OR52B4: variants seen among roughly 807,000 people sequenced by gnomAD.
OR52B4 encodes the protein olfactory receptor family 52 subfamily B member 4.
For missense variants in OR52B4, 450 were observed against 387.0 expected (o/e 1.16, Z -1.36); for synonymous variants, 182 against 142.3 (o/e 1.28, Z -1.98).
Position 4,368,333 on chromosome 11 carries a change from C to A in OR52B4, c.-38G>T. 9.1e-7 allele frequency: 1 copy of A among 1,103,260 alleles called. No individual in the cohort carries two copies. Among genetic ancestry groups the A allele is most frequent in the African/African-American group, 1.5e-5 (1 of 65,002 alleles). 68.3% of individuals were successfully genotyped at this position (1,103,260 alleles called of 1,614,324 possible). ...CTTTCAGAACCTCACCTCCTACTCA[C>A]AGAGGTAGAAGAAGATAAAATCTGC... On this transcript the variant is annotated 5_prime_UTR_variant, in exon 1 of 1. Coordinates refer to ENST00000624801, the MANE Select transcript of OR52B4 (RefSeq NM_001005161.3).
In OR52B4 at chr11:4,368,359, A is replaced by C; in HGVS notation, c.-64T>G. On this transcript the variant is annotated 5_prime_UTR_variant, in exon 1 of 1. Coordinates refer to ENST00000624801, the MANE Select transcript of OR52B4 (RefSeq NM_001005161.3). ...AGAGGTAGAAGAAGATAAAATCTGC[A>C]ACATTCTTTGCGATGTCACCAGGAG... The C allele has an allele frequency of 3.7e-6, 3 of 800,376 alleles. No individual in the cohort carries two copies. The highest frequency in any genetic ancestry group is 4.1e-6 in the Non-Finnish European group (2 of 492,408). The allele number at this position is 800,376 out of a possible 1,614,324, so 49.6% of individuals were successfully genotyped here.
At position 4,368,101 on chromosome 11, in the gene OR52B4, G is replaced by C. The variant is rs756130665; in HGVS notation, c.195C>G (p.Leu65=). The C allele has an allele frequency of 6.2e-6, 10 of 1,613,916 alleles. No homozygotes were observed. In the African/African-American group the frequency reaches 6.7e-5, roughly 11 times the overall value. Residue 65 remains leucine (L), a synonymous_variant, in exon 1 of 1, where the codon CTC becomes CTG. Coordinates refer to ENST00000624801, the MANE Select transcript of OR52B4 (RefSeq NM_001005161.3). ...CAATGTCTGCTCCAGCCAGCATGCA[G>C]AGGAAGAGGTACATGGGTTCATGGA... ...RSLHEPMYLF[L]CMLAGADIVL...
rs1302909088 is a variant in OR52B4 at position 4,368,331 on chromosome 11, CACAG to C, written c.-40_-37del. The C allele has an allele frequency of 8.9e-7, 1 of 1,119,172 alleles. No individual in the cohort carries two copies. The highest frequency in any genetic ancestry group is 1.3e-6 in the Non-Finnish European group (1 of 752,950). The allele number at this position is 1,119,172 out of a possible 1,614,324, so 69.3% of individuals were successfully genotyped here. On this transcript the variant is annotated 5_prime_UTR_variant, in exon 1 of 1. It introduces an in-frame stop codon into an upstream open reading frame of the 5' UTR. Coordinates refer to ENST00000624801, the MANE Select transcript of OR52B4 (RefSeq NM_001005161.3). ...AACTTTCAGAACCTCACCTCCTACT[CACAG>C]AGGTAGAAGAAGATAAAATCTGCAA...
In OR52B4 at chr11:4,368,271, T is replaced by C; in HGVS notation, c.25A>G (p.Thr9Ala). The change falls in exon 1 of 1, where the codon ACT becomes GCT. Residue 9 changes from threonine to alanine, a missense_variant. Coordinates refer to ENST00000624801, the MANE Select transcript of OR52B4 (RefSeq NM_001005161.3). ...AGCAAGTGGAAGACTGTGTGGCTAG[T>C]GCCACTGTGGTTTACAGTAGGCATA... MPTVNHSG[T>A]SHTVFHLLGI... The C allele has an allele frequency of 6.2e-7, 1 of 1,610,846 alleles. No homozygotes were observed. Among genetic ancestry groups the C allele is most frequent in the South Asian group, 1.1e-5 (1 of 90,818 alleles).
rs1158625037 is a variant in OR52B4, at chr11:4,368,076, C to T, written c.220G>A (p.Val74Ile). The T allele has an allele frequency of 1.9e-6, 3 of 1,613,940 alleles. No individual in the cohort carries two copies. The highest frequency in any genetic ancestry group is 1.7e-6 in the Non-Finnish European group (2 of 1,179,970). Reference sequence around the variant, plus strand: ...TGAGGAATGGTGCACGTGGAGAGGACAATGTCTGCTCCAGCCAGCATGCAG... The same window carrying T: ...TGAGGAATGGTGCACGTGGAGAGGATAATGTCTGCTCCAGCCAGCATGCAG... The part of the protein sequence containing the change: ...FLCMLAGADI[V>I]LSTCTIPQAL... The change falls in exon 1 of 1, where the codon GTC (valine) becomes ATC (isoleucine). Residue 74 changes from valine to isoleucine, a missense_variant. Coordinates refer to ENST00000624801, the MANE Select transcript of OR52B4 (RefSeq NM_001005161.3).
chr11:4,367,292 C>T lies in OR52B4; in HGVS notation c.*59G>A. On this transcript the variant is annotated 3_prime_UTR_variant, in exon 1 of 1. Coordinates refer to ENST00000624801, the MANE Select transcript of OR52B4 (RefSeq NM_001005161.3). ...ATCAGCTGACCTCTCCCATCTACCACTTTCATACCCACTTACCAGATAGCT... is the reference window on the plus strand; with the variant it reads ...ATCAGCTGACCTCTCCCATCTACCATTTTCATACCCACTTACCAGATAGCT... 8.9e-7 allele frequency: 1 copy of T among 1,126,386 alleles called. No individual in the cohort carries two copies. The highest frequency in any genetic ancestry group is 1.3e-6 in the Non-Finnish European group (1 of 774,270). 69.8% of individuals were successfully genotyped at this position (1,126,386 alleles called of 1,614,324 possible).
rs1181259154 is a variant in OR52B4, at chr11:4,367,436, G to A, written c.860C>T (p.Pro287Leu). 6.2e-7 allele frequency: 1 copy of A among 1,613,890 alleles called. No homozygotes were observed. The highest frequency in any genetic ancestry group is 1.1e-5 in the South Asian group (1 of 91,064). The change falls in exon 1 of 1, where the codon CCT becomes CTT. Residue 287 changes from proline to leucine, a missense_variant. Pro to Leu is a moderately conservative substitution (Grantham distance 98). Coordinates refer to ENST00000624801, the MANE Select transcript of OR52B4 (RefSeq NM_001005161.3). ...CCCATAAATAATGGGATTCAGCATA[G>A]GTGGAGCCAGAATGCAGACATTAGC... ...PLANVCILAPPMLNPIIYGIK... is the reference protein window; with the variant it reads ...PLANVCILAPLMLNPIIYGIK...
chr11:4,367,381 C>T lies in OR52B4; in HGVS notation c.915G>A (p.Val305=), dbSNP rs2094935834. 1.2e-6 allele frequency: 2 copies of T among 1,604,616 alleles called. No individual in the cohort carries two copies. The highest frequency in any genetic ancestry group is 8.5e-7 in the Non-Finnish European group (1 of 1,173,570). The change falls in exon 1 of 1, where the codon GTG becomes GTA. Residue 305 remains valine (V), a synonymous_variant. Transcript: ENST00000624801. ...GIKTKQIQEQ[V]VQFLFIKQK is the part of the protein sequence containing the mutation. ...TCTGTTTTATAAACAAAAACTGAAC[C>T]ACCTGTTCCTGGATTTGCTTGGTTT...
chr11:4,367,828 A>G lies in OR52B4; in HGVS notation c.468T>C (p.Gly156=). ...ICVTVSLRSY[G]TIFPIIFLLK... ...AAAGAAATATGATAGGGAAAATTGT[A>G]CCATAACTTCTCAGAGAGACAGTCA... Residue 156 remains glycine (G), a synonymous_variant, in exon 1 of 1, where the codon GGT becomes GGC. Coordinates refer to ENST00000624801, the MANE Select transcript of OR52B4 (RefSeq NM_001005161.3). 6.2e-7 allele frequency: 1 copy of G among 1,613,758 alleles called. No individual in the cohort carries two copies. Among genetic ancestry groups the G allele is most frequent in the African/African-American group, 1.3e-5 (1 of 75,032 alleles).
In OR52B4 at chr11:4,368,020, C is replaced by T; in HGVS notation, c.276G>A (p.Gly92=). ...QALAIFWFRA[G]DISLDRCITQ... ...TGATGCAACGATCCAGGGAGATGTC[C>T]CCAGCACGGAACCAGAAGATAGCTA... is the stretch of plus-strand genomic sequence containing the variant. Residue 92 remains glycine, a synonymous_variant, in exon 1 of 1, where the codon GGG becomes GGA. Coordinates refer to ENST00000624801, the MANE Select transcript of OR52B4 (RefSeq NM_001005161.3). 6 of 1,613,936 alleles carry T rather than the reference C, an allele frequency of 3.7e-6. No individual in the cohort carries two copies. Among genetic ancestry groups the T allele is most frequent in the Non-Finnish European group, 5.1e-6 (6 of 1,179,986 alleles).
At position 4,367,944 on chromosome 11, in the gene OR52B4, G is replaced by C. The variant is rs181259196; in HGVS notation, c.352C>G (p.Leu118Val). 30 of 1,613,958 alleles carry C rather than the reference G, an allele frequency of 1.9e-5. No individual in the cohort carries two copies. The Admixed American group carries it at 4.7e-4, about 25-fold the overall frequency. Residue 118 changes from leucine (L) to valine (V), a missense_variant, in exon 1 of 1, where the codon CTG (leucine) becomes GTG (valine). Coordinates refer to ENST00000624801, the MANE Select transcript of OR52B4 (RefSeq NM_001005161.3). Reference protein sequence around the residue: ...STFISESGILLVMAFDHYIAI... With the variant: ...STFISESGILVVMAFDHYIAI... ...ATATAGTGGTCAAAGGCCATCACCA[G>C]CAAGATCCCTGACTCAGAGATGAAG...
rs1291428627 is a variant in OR52B4, at chr11:4,367,727, G to A, written c.569C>T (p.Ala190Val). Residue 190 changes from alanine to valine, a missense_variant, in exon 1 of 1, where the codon GCA becomes GTA. Coordinates refer to ENST00000624801, the MANE Select transcript of OR52B4 (RefSeq NM_001005161.3). Reference sequence around the variant, plus strand: ...AATGTTTATTCGAATGTCATTACATGCATATTTGGCTAGGCCAATGTGTTC... The same window carrying A: ...AATGTTTATTCGAATGTCATTACATACATATTTGGCTAGGCCAATGTGTTC... Reference protein sequence around the residue: ...FCEHIGLAKYACNDIRINIWY... With the variant: ...FCEHIGLAKYVCNDIRINIWY... The A allele has an allele frequency of 6.2e-7, 1 of 1,613,516 alleles. No individual in the cohort carries two copies. The highest frequency in any genetic ancestry group is 8.5e-7 in the Non-Finnish European group (1 of 1,179,510).
At position 4,368,015 on chromosome 11, in the gene OR52B4, A is replaced by G. The variant is rs758705540; in HGVS notation, c.281T>C (p.Ile94Thr). 1.2e-6 allele frequency: 2 copies of G among 1,614,074 alleles called. No individual in the cohort carries two copies. The highest frequency in any genetic ancestry group is 1.1e-5 in the South Asian group (1 of 91,086). ...CTGAGTGATGCAACGATCCAGGGAGATGTCCCCAGCACGGAACCAGAAGAT... is the reference window on the plus strand; with the variant it reads ...CTGAGTGATGCAACGATCCAGGGAGGTGTCCCCAGCACGGAACCAGAAGAT... ...LAIFWFRAGD[I>T]SLDRCITQLF... The change falls in exon 1 of 1, where the codon ATC becomes ACC. Residue 94 changes from isoleucine to threonine, a missense_variant. Transcript: ENST00000624801.
In OR52B4 at chr11:4,367,824, T is replaced by C. The variant is rs538793931; in HGVS notation, c.472A>G (p.Ile158Val). ...VTVSLRSYGTIFPIIFLLKRL... is the reference protein window; with the variant it reads ...VTVSLRSYGTVFPIIFLLKRL... ...TTTAAAAGAAATATGATAGGGAAAA[T>C]TGTACCATAACTTCTCAGAGAGACA... The change falls in exon 1 of 1, where the codon ATT becomes GTT. Residue 158 changes from isoleucine to valine, a missense_variant. Transcript: ENST00000624801. 8 of 1,613,764 alleles carry C rather than the reference T, an allele frequency of 5.0e-6. No individual in the cohort carries two copies. In the African/African-American group the frequency reaches 8.0e-5, roughly 16 times the overall value.
At position 4,367,840 on chromosome 11, in the gene OR52B4, C is replaced by G; in HGVS notation, c.456G>C (p.Leu152=). 1.2e-6 allele frequency: 2 copies of G among 1,613,940 alleles called. No individual in the cohort carries two copies. Among genetic ancestry groups the G allele is most frequent in the Non-Finnish European group, 1.7e-6 (2 of 1,179,872 alleles). Residue 152 remains leucine (L), a synonymous_variant, in exon 1 of 1, where the codon CTG becomes CTC. Transcript: ENST00000624801. ...TAGGGAAAATTGTACCATAACTTCT[C>G]AGAGAGACAGTCACACAAATTTTCT... The part of the protein sequence containing the change: ...LIKKICVTVS[L]RSYGTIFPII...
rs774700333 is a variant in OR52B4 at position 4,368,158 on chromosome 11, C to A, written c.138G>T (p.Leu46=). The part of the protein sequence containing the change: ...SYVTALLGNS[L]LIFIILTKRS... ...GCTTTGTGAGGATAATGAAGATGAG[C>A]AGGCTGTTCCCAAGAAGGGCGGTGA... Residue 46 remains leucine (L), a synonymous_variant, in exon 1 of 1, where the codon CTG becomes CTT. Transcript: ENST00000624801. 2 of 1,603,134 alleles carry A rather than the reference C, an allele frequency of 1.2e-6. No homozygotes were observed. Among genetic ancestry groups the A allele is most frequent in the South Asian group, 2.2e-5 (2 of 90,600 alleles).
Position 4,367,956 on chromosome 11 carries a change from A to G in OR52B4, c.340T>C (p.Ser114Pro), listed in dbSNP as rs2094936785. 3 of 1,613,966 alleles carry G rather than the reference A, an allele frequency of 1.9e-6. No homozygotes were observed. Among genetic ancestry groups the G allele is most frequent in the Non-Finnish European group, 2.5e-6 (3 of 1,179,968 alleles). ...FFIHSTFISE[S>P]GILLVMAFDH... ...AAGGCCATCACCAGCAAGATCCCTG[A>G]CTCAGAGATGAAGGTGGAATGGATG... Residue 114 changes from serine (S) to proline (P), a missense_variant, in exon 1 of 1, where the codon TCA (serine) becomes CCA (proline). Ser to Pro is a moderately conservative substitution (Grantham distance 74). Transcript: ENST00000624801.
In OR52B4 at chr11:4,368,195, A is replaced by C; in HGVS notation, c.101T>G (p.Phe34Cys). 1 of 1,613,960 alleles carries C rather than the reference A, an allele frequency of 6.2e-7. No individual in the cohort carries two copies. Among genetic ancestry groups the C allele is most frequent in the Non-Finnish European group, 8.5e-7 (1 of 1,179,898 alleles). The change falls in exon 1 of 1, where the codon TTC (phenylalanine) becomes TGC (cysteine). Residue 34 changes from phenylalanine (F) to cysteine (C), a missense_variant. Physicochemically the swap from Phe to Cys is radical, Grantham distance 205 (BLOSUM62 -2). Coordinates refer to ENST00000624801, the MANE Select transcript of OR52B4 (RefSeq NM_001005161.3). ...DQHMWISIPF[F>C]ISYVTALLGN... ...AAGAAGGGCGGTGACATAGGAAATGAAGAATGGGATAGAAATCCACATGTG... is the reference window on the plus strand; with the variant it reads ...AAGAAGGGCGGTGACATAGGAAATGCAGAATGGGATAGAAATCCACATGTG...
Position 4,367,873 on chromosome 11 carries a change from A to G in OR52B4, c.423T>C (p.Ala141=), listed in dbSNP as rs773338139. The G allele has an allele frequency of 6.8e-6, 11 of 1,614,138 alleles. No homozygotes were observed. In the South Asian group the frequency reaches 1.2e-4, roughly 18 times the overall value. Residue 141 remains alanine (A), a synonymous_variant, in exon 1 of 1, where the codon GCT becomes GCC. Transcript: ENST00000624801. Reference sequence around the variant, plus strand: ...CAGTCACACAAATTTTCTTGATCAGAGCATTTGTAAGAATGGTGGTGTACC... The same window carrying G: ...CAGTCACACAAATTTTCTTGATCAGGGCATTTGTAAGAATGGTGGTGTACC... ...PLRYTTILTN[A]LIKKICVTVS...
Sources: allele counts gnomAD v4.1 joint callset, GRCh38; gene constraint gnomAD v4.1.1; transcripts MANE v1.5; gene names NCBI Gene and HGNC (gene_info 2026-07-23, HGNC 2026-07-21).